TESC: variants seen among roughly 807,000 people sequenced by gnomAD.
TESC encodes the protein calcineurin B homologous protein 3.
Under a neutral mutation model 31.0 loss-of-function variants are expected in TESC, and 19 were observed. That is an observed-to-expected ratio of 0.61 (90% confidence interval 0.43 to 0.90). TESC has a LOEUF of 0.90. Ranked by LOEUF, TESC falls within the 40% of genes least tolerant of loss-of-function variation. TESC has a pLI of 0.00. For missense variants in TESC, 248 were observed against 303.8 expected, an observed-to-expected ratio of 0.82 and a Z score of 1.36; for synonymous variants, 109 against 114.8, an observed-to-expected ratio of 0.95 and a Z score of 0.32.
At chr12:117,097,541 G>C (rs895197977) in intron 1 of TESC, among the ~76,000 whole-genome samples, 1 of 152,190 alleles carries the variant, frequency 6.6e-6, no homozygotes, top group Non-Finnish European at 1.5e-5. Flanking sequence ...GGGAGGCGAG[G>C]AGAGGGCACA....
chr12:117,056,818 A>G lies in TESC; in HGVS notation c.197T>C (p.Phe66Ser), dbSNP rs1954732648. 6.2e-7 allele frequency: 1 copy of G among 1,614,034 alleles called. No homozygotes were observed. The change falls in exon 3 of 8, where the codon TTC becomes TCC. Residue 66 changes from phenylalanine to serine, a missense_variant. Coordinates refer to ENST00000335209, the MANE Select transcript of TESC (RefSeq NM_017899.4). ...NPIRSKIVRA[F>S]FDNRNLRKGP... ...GGAAAACGCCCACCTGTTGTCGAAG[A>G]AGGCACGAACAATTTTGGATCGGAT...
Position 117,039,150 on chromosome 12 carries a change from T to C in TESC, c.628A>G (p.Met210Val). ...MHVRFLNMET[M>V]ALCH ...GCGGTGGGTCAGTGGCAGAGGGCCA[T>C]GGTTTCCATGTTAAGGAAGCGGACG... Residue 210 changes from methionine (M) to valine (V), a missense_variant, in exon 8 of 8, where the codon ATG becomes GTG. Transcript: ENST00000335209. 1 of 1,614,102 alleles carries C rather than the reference T, an allele frequency of 6.2e-7. No individual in the cohort carries two copies. The highest frequency in any genetic ancestry group is 1.1e-5 in the South Asian group (1 of 91,054).
intron 1 of TESC, among the ~76,000 whole-genome samples, chr12:117,089,846 T>C (rs1326624571): frequency 2.0e-5 from 3 of 152,210 alleles, no homozygotes; most frequent in Admixed American, 6.5e-5. Flanking sequence ...TAATGGAAGA[T>C]ATGATCTTTC....
rs1280720061 is a variant in TESC, at chr12:117,075,923, G to GTGTA, written c.59-584_59-583insTACA. ...TATATATATATATATATGTGTGTGT[G>GTGTA]TATATATATATATATATGTATATAT... On this transcript the variant is annotated intron_variant, in intron 1 of 7. Coordinates refer to ENST00000335209, the MANE Select transcript of TESC (RefSeq NM_017899.4). Among the ~76,000 whole-genome samples the GTGTA allele has an allele frequency of 1.8e-3, 126 of 68,698 alleles. 3 individuals are homozygous for GTGTA. The highest frequency in any genetic ancestry group is 3.7e-3 in the African/African-American group (50 of 13,486). The allele number at this position is 68,698 out of a possible 152,430, so 45.1% of individuals were successfully genotyped here.
At chr12:117,087,758 G>T (rs1013053550) in intron 1 of TESC, among the ~76,000 whole-genome samples, 1 of 152,166 alleles carries the variant, frequency 6.6e-6, no homozygotes, top group Non-Finnish European at 1.5e-5. Context: ...CAGGAGAATC[G>T]CTTGAACCTG....
intron 1 of TESC, among the ~76,000 whole-genome samples, chr12:117,095,013 T>C (rs1437745202): frequency 2.0e-5 from 2 of 101,606 alleles, no homozygotes; most frequent in Non-Finnish European, 3.8e-5. Flanking sequence ...TGAAAATTCA[T>C]CTCAAAAAAA....
intron 1 of TESC, among the ~76,000 whole-genome samples, chr12:117,094,553 A>G (rs575161573): frequency 6.6e-6 from 1 of 152,304 alleles, no homozygotes; most frequent in East Asian, 1.9e-4. Context: ...AAGGGGTGGC[A>G]GGTGACAGAG....
At chr12:117,046,733 G>T in intron 5 of TESC, 44 bp downstream of exon 5, 1 of 1,554,156 alleles carries the variant, frequency 6.4e-7, no homozygotes, top group Non-Finnish European at 8.7e-7. Context: ...GGCAGAGGGG[G>T]AAGGCACCAG....
At chr12:117,069,440 T>C (rs371710570) in intron 2 of TESC, among the ~76,000 whole-genome samples, 126 of 152,274 alleles carry the variant, frequency 8.3e-4, no homozygotes, top group African/African-American at 2.6e-3. Flanking sequence ...GGTTTCACCA[T>C]GTTGGCCAGG....
At chr12:117,091,966 C>A (rs187277659) in intron 1 of TESC, among the ~76,000 whole-genome samples, 1 of 152,158 alleles carries the variant, frequency 6.6e-6, no homozygotes, top group African/African-American at 2.4e-5. Context: ...CGGTTTCTCC[C>A]GGCACTGCAC....
chr12:117,067,721 T>C (rs917743477), intron 2 of TESC, among the ~76,000 whole-genome samples: 7 of 152,264 alleles, frequency 4.6e-5, no homozygotes, highest in South Asian at 2.1e-4. Flanking sequence ...GCTTTTGAAC[T>C]GAGGACCTAC....
intron 1 of TESC, among the ~76,000 whole-genome samples, chr12:117,090,708 G>A (rs769483741): frequency 2.0e-5 from 3 of 152,172 alleles, no homozygotes; most frequent in Non-Finnish European, 4.4e-5. Flanking sequence ...GCCATAGTGG[G>A]ACTCTGGCTG....
chr12:117,096,327 A>C (rs928328520), intron 1 of TESC, among the ~76,000 whole-genome samples: 1 of 152,186 alleles, frequency 6.6e-6, no homozygotes, highest in African/African-American at 2.4e-5. Flanking sequence ...AAGATTCCCA[A>C]GGGAATGGCC....
intron 1 of TESC, among the ~76,000 whole-genome samples, chr12:117,079,977 T>A (rs1295800868): frequency 6.6e-6 from 1 of 152,220 alleles, no homozygotes; most frequent in African/African-American, 2.4e-5. Context: ...TACCGTTTCC[T>A]GGCCTCTGTG....
At chr12:117,076,119 G>C (rs1324624219) in intron 1 of TESC, among the ~76,000 whole-genome samples, 1 of 146,694 alleles carries the variant, frequency 6.8e-6, no homozygotes, top group Non-Finnish European at 1.5e-5. Flanking sequence ...GCCCAGCCTA[G>C]AGAAAACTGC....
At chr12:117,073,502 C>G (rs1227225689) in intron 2 of TESC, among the ~76,000 whole-genome samples, 2 of 152,190 alleles carry the variant, frequency 1.3e-5, no homozygotes, top group African/African-American at 4.8e-5. Context: ...ATGAAATATA[C>G]TGGATTAACA....
chr12:117,096,799 C>T (rs552621820), intron 1 of TESC, among the ~76,000 whole-genome samples: 14 of 152,302 alleles, frequency 9.2e-5, no homozygotes, highest in African/African-American at 2.9e-4. Context: ...GCTGTGTCCT[C>T]ATCTCATGCA....
intron 2 of TESC, among the ~76,000 whole-genome samples, chr12:117,062,866 T>G (rs1270945111): frequency 6.6e-6 from 1 of 152,096 alleles, no homozygotes; most frequent in East Asian, 1.9e-4. Flanking sequence ...CTGCCTCACC[T>G]CAGAGCCCAG....
chr12:117,057,928 T>A (rs905971578), intron 2 of TESC, among the ~76,000 whole-genome samples: 6 of 152,108 alleles, frequency 3.9e-5, no homozygotes, highest in African/African-American at 1.4e-4. Context: ...AAAAACATGA[T>A]GCTAAGTGAG....
Sources: gnomAD v4.1 joint callset for allele counts (sites outside exome capture counted in the v4.1 genomes callset) on GRCh38, gnomAD v4.1.1 for gene constraint, MANE v1.5 for transcripts, NCBI Gene and HGNC (gene_info 2026-07-23, HGNC 2026-07-21) for gene names.